The following SPAG16 variants were observed in gnomAD, a reference collection of about 807,000 sequenced individuals.
SPAG16 encodes sperm-associated antigen 16 protein.
A neutral mutation model predicts 80.4 loss-of-function variants in SPAG16; 86 were observed. The observed-to-expected ratio is 1.07, with a 90% CI of 0.90 to 1.28. The LOEUF (loss-of-function observed/expected upper bound fraction) is 1.28, where lower values mean the gene tolerates loss of function less well. Ranked by LOEUF, SPAG16 falls within the 50% of genes most tolerant of loss-of-function variation. SPAG16 has a pLI of 0.00. For synonymous variants in SPAG16, 294 were observed against 265.9 expected (o/e 1.11, Z -1.03); for missense variants, 870 against 765.3 (o/e 1.14, Z -1.61).
intron 12 of SPAG16, among the ~76,000 whole-genome samples, chr2:213,935,791 GTTTA>G (rs1237906458): frequency 6.6e-6 from 1 of 152,198 alleles, no homozygotes; most frequent in Non-Finnish European, 1.5e-5. Context: ...GACCTCACAG[GTTTA>G]TTTATTTGCT....
intron 10 of SPAG16, among the ~76,000 whole-genome samples, chr2:213,655,821 A>G (rs1365704376): frequency 6.6e-6 from 1 of 152,214 alleles, no homozygotes; most frequent in Non-Finnish European, 1.5e-5. Context: ...AGAAAAATGA[A>G]TAGAACTTAA....
At chr2:214,343,213 A>C (rs911631356) in intron 15 of SPAG16, among the ~76,000 whole-genome samples, 8 of 152,206 alleles carry the variant, frequency 5.3e-5, no homozygotes, top group Admixed American at 3.3e-4. Context: ...CTCATCTTAT[A>C]TATGGAGGAA....
At chr2:213,689,156 C>T (rs1390298251) in intron 10 of SPAG16, among the ~76,000 whole-genome samples, 2 of 152,154 alleles carry the variant, frequency 1.3e-5, no homozygotes, top group East Asian at 1.9e-4. Flanking sequence ...GTCAGGGTTT[C>T]ACCATCTTGG....
chr2:213,331,049 TC>T, intron 5 of SPAG16, among the ~76,000 whole-genome samples: 1 of 152,354 alleles, frequency 6.6e-6, no homozygotes, highest in South Asian at 2.1e-4. Context: ...CTCAAGTATG[TC>T]TATGCACAGT....
intron 10 of SPAG16, among the ~76,000 whole-genome samples, chr2:213,838,143 A>G (rs2074187782): frequency 6.6e-6 from 1 of 152,072 alleles, no homozygotes; most frequent in East Asian, 1.9e-4. Flanking sequence ...AATGACAAAA[A>G]TAAAAGGCCA....
At chr2:214,307,965 C>T (rs1341327400) in intron 15 of SPAG16, among the ~76,000 whole-genome samples, 2 of 152,162 alleles carry the variant, frequency 1.3e-5, no homozygotes, top group Admixed American at 6.5e-5. Flanking sequence ...TCTCAATTAT[C>T]TGTCTAATAT....
chr2:213,946,681 T>C (rs2106308291), intron 12 of SPAG16, among the ~76,000 whole-genome samples: 1 of 152,318 alleles, frequency 6.6e-6, no homozygotes, highest in Non-Finnish European at 1.5e-5. Flanking sequence ...TCAGACCTCA[T>C]TCATATTTCA....
chr2:213,317,963 A>T (rs2063469166), intron 5 of SPAG16: 1 of 154,796 alleles, frequency 6.5e-6, no homozygotes, highest in African/African-American at 2.4e-5. Flanking sequence ...AATAAAGTTT[A>T]TTAAAAAAAA....
chr2:213,375,899 A>G (rs144961503), intron 9 of SPAG16, among the ~76,000 whole-genome samples: 2 of 151,344 alleles, frequency 1.3e-5, no homozygotes, highest in African/African-American at 2.4e-5. Flanking sequence ...TCTCTAAAAC[A>G]TGCATTGGAT....
At chr2:213,312,148 G>A (rs1279262234) in intron 4 of SPAG16, among the ~76,000 whole-genome samples, 1 of 151,632 alleles carries the variant, frequency 6.6e-6, no homozygotes, top group East Asian at 1.9e-4. Flanking sequence ...CACAACAGGA[G>A]AGATATGGCC....
intron 10 of SPAG16, among the ~76,000 whole-genome samples, chr2:213,629,999 C>T (rs1372638061): frequency 3.3e-5 from 5 of 152,338 alleles, no homozygotes; most frequent in East Asian, 3.9e-4. Flanking sequence ...ACTATTTTCT[C>T]ATTTGCTTCA....
At chr2:213,304,106 A>G (rs1167296836) in intron 3 of SPAG16, among the ~76,000 whole-genome samples, 1 of 152,028 alleles carries the variant, frequency 6.6e-6, no homozygotes, top group Non-Finnish European at 1.5e-5. Flanking sequence ...AGCTCATTGT[A>G]GTTTTGATTG....
In SPAG16 at chr2:213,849,897, G is replaced by A. The variant is rs114831704; in HGVS notation, c.1071-12588G>A. Among the ~76,000 whole-genome samples the A allele has an allele frequency of 5.8e-3, 886 of 152,230 alleles. 9 individuals are homozygous for A. The highest frequency in any genetic ancestry group is 0.019 in the African/African-American group (800 of 41,530). On this transcript the variant is annotated intron_variant, in intron 10 of 15. Coordinates refer to ENST00000331683, the MANE Select transcript of SPAG16 (RefSeq NM_024532.5). ...CAAATAAACTTTATTATTGAAATGGGTTTCTTTAGAACATAAATGTGTAAT... is the reference window on the plus strand; with the variant it reads ...CAAATAAACTTTATTATTGAAATGGATTTCTTTAGAACATAAATGTGTAAT...
At chr2:213,495,034 A>G (rs2074421162) in intron 10 of SPAG16, among the ~76,000 whole-genome samples, 1 of 152,180 alleles carries the variant, frequency 6.6e-6, no homozygotes, top group South Asian at 2.1e-4. Context: ...TCACTCCCTT[A>G]GTCACTTTCA....
At chr2:213,551,373 C>T (rs2076774985) in intron 10 of SPAG16, among the ~76,000 whole-genome samples, 1 of 152,190 alleles carries the variant, frequency 6.6e-6, no homozygotes, top group Non-Finnish European at 1.5e-5. Context: ...AGGTGGTCTT[C>T]ATTTCAAGAA....
At chr2:213,522,944 G>T (rs2075736549) in intron 10 of SPAG16, among the ~76,000 whole-genome samples, 1 of 151,630 alleles carries the variant, frequency 6.6e-6, no homozygotes, top group Non-Finnish European at 1.5e-5. Flanking sequence ...ATTATGGAGA[G>T]GCAGAGGCAA....
chr2:213,361,556 A>G (rs2065979261), intron 7 of SPAG16, among the ~76,000 whole-genome samples: 1 of 151,656 alleles, frequency 6.6e-6, no homozygotes, highest in African/African-American at 2.4e-5. Flanking sequence ...GGTTCTTTGG[A>G]GAAGTGTCTG....
intron 12 of SPAG16, among the ~76,000 whole-genome samples, chr2:213,994,264 T>A (rs1419167520): frequency 2.6e-5 from 4 of 152,142 alleles, no homozygotes; most frequent in African/African-American, 9.6e-5. Context: ...CCTAATGTAG[T>A]TCATAGTAAT....
intron 10 of SPAG16, among the ~76,000 whole-genome samples, chr2:213,521,227 G>A (rs1288169056): frequency 3.3e-5 from 5 of 152,108 alleles, no homozygotes; most frequent in South Asian, 2.1e-4. Context: ...TCTTTTACAC[G>A]ATCATGGAAG....
Sources: allele counts gnomAD v4.1 joint callset (sites outside exome capture counted in the v4.1 genomes callset), GRCh38; gene constraint gnomAD v4.1.1; transcripts MANE v1.5; gene names NCBI Gene and HGNC (gene_info 2026-07-23, HGNC 2026-07-21).